Variants in AMN observed in about 807,000 individuals in gnomAD.
AMN encodes the protein amnion associated transmembrane protein.
In AMN, 40 loss-of-function variants were observed where a neutral mutation model predicts 49.1. That is an observed-to-expected ratio of 0.81 (90% CI 0.63 to 1.06). AMN has a LOEUF of 1.06. Among genes scored for constraint, AMN ranks in the 50% least tolerant of loss-of-function variants. The pLI is 0.00. For missense variants in AMN, 701 were observed against 662.8 expected (o/e 1.06, Z -0.63); for synonymous variants, 380 against 313.3 (o/e 1.21, Z -2.25).
At chr14:102,927,398 T>TTC (rs1335228748) in intron 3 of AMN, among the ~76,000 whole-genome samples, 2 of 152,238 alleles carry the variant, frequency 1.3e-5, no homozygotes, top group African/African-American at 4.8e-5. Context: ...AACGGTGTTC[T>TTC]TGGTATGCTT....
Position 102,930,153 on chromosome 14 carries a change from C to T in AMN, c.1007-12C>T, listed in dbSNP as rs1891305368. 4.0e-6 allele frequency: 6 copies of T among 1,493,166 alleles called. No homozygotes were observed. The East Asian group carries it at 8.2e-5, about 20-fold the overall frequency. 92.5% of individuals were successfully genotyped at this position (1,493,166 alleles called of 1,614,324 possible). On this transcript the variant is annotated splice_polypyrimidine_tract_variant and intron_variant, in intron 9 of 11. Transcript: ENST00000299155. Reference sequence around the variant, plus strand: ...CGCCGCGGGGAAGACTGAGCCGGCCCCTCCGTCGCAGGCGAGGCCCTCGGC... The same window carrying T: ...CGCCGCGGGGAAGACTGAGCCGGCCTCTCCGTCGCAGGCGAGGCCCTCGGC...
intron 1 of AMN, chr14:102,923,321 A>C: frequency 3.2e-6 from 1 of 313,720 alleles, no homozygotes; most frequent in Middle Eastern, 1.1e-3. Context: ...CTCCTCCGGG[A>C]AGCCTTCCTG....
At chr14:102,922,970 G>A in intron 1 of AMN, 1 of 543,568 alleles carries the variant, frequency 1.8e-6, no homozygotes, top group Non-Finnish European at 3.1e-6. Context: ...CGGGAACCTC[G>A]GCCAGCCCCG....
chr14:102,923,337 A>C (rs761439819), intron 1 of AMN: 8 of 325,994 alleles, frequency 2.5e-5, no homozygotes, highest in Admixed American at 4.4e-5. Flanking sequence ...TCCTGATTCC[A>C]AGGCCGAGAA....
In AMN at chr14:102,924,012, G is replaced by C. The variant is rs540867109; in HGVS notation, c.207+33G>C. 16 of 1,613,206 alleles carry C rather than the reference G, an allele frequency of 9.9e-6. No individual in the cohort carries two copies. The South Asian group carries it at 1.8e-4, about 18-fold the overall frequency. The stretch of plus-strand genomic sequence containing the variant: ...CGGGCTGCTACTGCCACTGGGCTGG[G>C]GGTTCACAGAGTCTCTGAAGCGCCT... On this transcript the variant is annotated intron_variant, in intron 3 of 11. Transcript: ENST00000299155.
At chr14:102,922,875 C>T in intron 1 of AMN, 144 bp downstream of exon 1, 4 of 1,163,698 alleles carry the variant, frequency 3.4e-6, no homozygotes, top group Admixed American at 2.3e-5. Flanking sequence ...TGAAACTCGG[C>T]CCTGCCTCCC....
intron 4 of AMN, 118 bp from the exon 5 acceptor site, chr14:102,928,640 G>A (rs917776903): frequency 1.5e-5 from 23 of 1,495,158 alleles, no homozygotes; most frequent in Non-Finnish European, 2.1e-5. Flanking sequence ...TTAGGGAGTG[G>A]CGGAAGTGTC....
At chr14:102,929,371 C>T in intron 6 of AMN, 57 bp from the exon 7 acceptor site, 2 of 1,516,444 alleles carry the variant, frequency 1.3e-6, no homozygotes, top group Non-Finnish European at 1.8e-6. Context: ...GGAGGCATCG[C>T]CCTTCTCGCT....
At chr14:102,922,934 G>T (rs1024306768) in intron 1 of AMN, 25 of 714,292 alleles carry the variant, frequency 3.5e-5, no homozygotes, top group South Asian at 8.3e-5. Flanking sequence ...TGCATCGGGC[G>T]GTGCGGGAGA....
At position 102,930,425 on chromosome 14, in the gene AMN, GCGGCCC is replaced by G; in HGVS notation, c.1194_1199del (p.Pro399_Ala400del). On this transcript the variant is annotated inframe_deletion, in exon 11 of 12. Coordinates refer to ENST00000299155, the MANE Select transcript of AMN (RefSeq NM_030943.4). ...CCTCAGGTGGAGGAGGCACGAGGCG[GCGGCCC>G]CGGCTGGAGCGCCCCTCGGCTTCCG... is the stretch of plus-strand genomic sequence containing the variant. The G allele has an allele frequency of 6.6e-7, 1 of 1,520,778 alleles. No homozygotes were observed. Among genetic ancestry groups the G allele is most frequent in the Non-Finnish European group, 8.8e-7 (1 of 1,140,048 alleles). The allele number at this position is 1,520,778 out of a possible 1,614,324, so 94.2% of individuals were successfully genotyped here.
In AMN at chr14:102,930,688, C is replaced by A; in HGVS notation, c.*8C>A. The A allele has an allele frequency of 6.4e-7, 1 of 1,572,502 alleles. No homozygotes were observed. On this transcript the variant is annotated 3_prime_UTR_variant, in exon 12 of 12. Transcript: ENST00000299155. ...GCCGAGGCCGAGGCCTGAGCGGCCG[C>A]CTGACCGTCGACCTTGGGGCTCTCC...
At position 102,923,787 on chromosome 14, in the gene AMN, G is replaced by A. The variant is rs1240246594; in HGVS notation, c.120G>A (p.Arg40=). The A allele has an allele frequency of 6.2e-7, 1 of 1,612,754 alleles. No homozygotes were observed. The highest frequency in any genetic ancestry group is 1.7e-5 in the Admixed American group (1 of 60,028). Reference sequence around the variant, plus strand: ...TCGCAGCCAACTGGAGCCAGAACCGGACCCCGTGCGCCGGCGGCGCCGTTG... The same window carrying A: ...TCGCAGCCAACTGGAGCCAGAACCGAACCCCGTGCGCCGGCGGCGCCGTTG... The part of the protein sequence containing the change: ...FDVAANWSQN[R]TPCAGGAVEF... Residue 40 remains arginine (R), a synonymous_variant, in exon 2 of 12, where the codon CGG becomes CGA. Coordinates refer to ENST00000299155, the MANE Select transcript of AMN (RefSeq NM_030943.4).
rs746199829 is a variant in AMN, at chr14:102,929,467, G to A, written c.691G>A (p.Gly231Ser). 41 of 1,531,402 alleles carry A rather than the reference G, an allele frequency of 2.7e-5. No individual in the cohort carries two copies. The South Asian group carries it at 4.9e-4, about 18-fold the overall frequency. 94.9% of individuals were successfully genotyped at this position (1,531,402 alleles called of 1,614,324 possible). The change falls in exon 7 of 12, where the codon GGC (glycine) becomes AGC (serine). Residue 231 changes from glycine (G) to serine (S), a missense_variant. Physicochemically the swap from Gly to Ser is moderately conservative, Grantham distance 56 (BLOSUM62 0). Transcript: ENST00000299155. The part of the protein sequence containing the change: ...WICAALLQPL[G>S]GRCPQAACHS... ...CTGCGCGGCCCTGCTCCAGCCCCTGGGCGGCCGCTGCCCCCAGGCCGCCTG... is the reference window on the plus strand; with the variant it reads ...CTGCGCGGCCCTGCTCCAGCCCCTGAGCGGCCGCTGCCCCCAGGCCGCCTG...
rs752407777 is a variant in AMN at position 102,930,660 on chromosome 14, G to C, written c.1342G>C (p.Gly448Arg). ...TTACTTCGTCAACCCTCTGTTCGCC[G>C]GGGCCGAGGCCGAGGCCTGAGCGGC... ...HSYFVNPLFA[G>R]AEAEA The change falls in exon 12 of 12, where the codon GGG becomes CGG. Residue 448 changes from glycine to arginine, a missense_variant. Transcript: ENST00000299155. 10 of 1,594,912 alleles carry C rather than the reference G, an allele frequency of 6.3e-6. No individual in the cohort carries two copies. Among genetic ancestry groups the C allele is most frequent in the East Asian group, 2.3e-5 (1 of 43,816 alleles).
chr14:102,929,380 C>A (rs781494385), intron 6 of AMN, 48 bp from the exon 7 acceptor site: 1 of 1,519,036 alleles, frequency 6.6e-7, no homozygotes, highest in Admixed American at 2.0e-5. Context: ...GCCCTTCTCG[C>A]TGCGGTCCGC....
rs1253100227 is a variant in AMN, at chr14:102,930,250, C to A, written c.1092C>A (p.Gly364=). The A allele has an allele frequency of 4.4e-6, 6 of 1,378,804 alleles. No homozygotes were observed. The East Asian group carries it at 1.6e-4, about 36-fold the overall frequency. The allele number at this position is 1,378,804 out of a possible 1,614,324, so 85.4% of individuals were successfully genotyped here. Residue 364 remains glycine (G), a synonymous_variant, in exon 10 of 12, where the codon GGC becomes GGA. Coordinates refer to ENST00000299155, the MANE Select transcript of AMN (RefSeq NM_030943.4). The part of the protein sequence containing the change: ...WGSSAAGLAG[G]VAAAVLLALL... ...GCTCCGCGGCTGGGCTGGCGGGCGG[C>A]GTGGCGGCTGCCGTGCTGCTGGCGC...
At chr14:102,927,196 A>G (rs1447154786) in intron 3 of AMN, among the ~76,000 whole-genome samples, 3 of 152,090 alleles carry the variant, frequency 2.0e-5, no homozygotes. Context: ...TCCTGGCCTT[A>G]AGTTTGGTTT....
intron 3 of AMN, 123 bp from the exon 4 acceptor site, chr14:102,928,303 G>C: frequency 1.2e-6 from 1 of 855,136 alleles, no homozygotes; most frequent in East Asian, 2.7e-5. Flanking sequence ...CCGGGCCTGA[G>C]CTCGCCCGGG....
chr14:102,928,737 C>A, intron 4 of AMN, 21 bp from the exon 5 acceptor site: 1 of 1,602,242 alleles, frequency 6.2e-7, no homozygotes, highest in Admixed American at 1.7e-5. Flanking sequence ...CCGTGGAGCT[C>A]AGGGATGTGC....
Sources: gnomAD v4.1 joint callset for allele counts (sites outside exome capture counted in the v4.1 genomes callset) on GRCh38, gnomAD v4.1.1 for gene constraint, MANE v1.5 for transcripts, NCBI Gene and HGNC (gene_info 2026-07-23, HGNC 2026-07-21) for gene names.